Variants in UBR1 observed in about 807,000 individuals in gnomAD.
UBR1 encodes the protein E3 ubiquitin-protein ligase UBR1.
In UBR1, 102 loss-of-function variants were observed where a neutral mutation model predicts 242.1. The observed-to-expected ratio is 0.42, with a 90% confidence interval of 0.36 to 0.50. The LOEUF (loss-of-function observed/expected upper bound fraction) is 0.50. UBR1 is among the 20% of genes least tolerant of loss of function. The pLI is 0.01. For synonymous variants in UBR1, 675 were observed against 684.8 expected (o/e 0.99, Z 0.22); for missense variants, 1,772 against 2,101.8 (o/e 0.84, Z 3.07).
chr15:43,006,961 G>T, intron 30 of UBR1, 118 bp downstream of exon 30: 1 of 920,556 alleles, frequency 1.1e-6, no homozygotes, highest in Non-Finnish European at 1.7e-6. Flanking sequence ...TCTTAAATAT[G>T]ATAATGGTAT....
intron 1 of UBR1, among the ~76,000 whole-genome samples, chr15:43,096,268 G>A (rs1249954397): frequency 6.6e-6 from 1 of 151,934 alleles, no homozygotes; most frequent in Admixed American, 6.6e-5. Flanking sequence ...CCGCCTGCCG[G>A]ATTGAAGCAA....
intron 43 of UBR1, 86 bp downstream of exon 43, chr15:42,960,559 A>G: frequency 1.5e-6 from 2 of 1,339,284 alleles, no homozygotes; most frequent in Non-Finnish European, 2.1e-6. Context: ...TGAAGAAAGC[A>G]GACTAGAAAC....
intron 38 of UBR1, 35 bp downstream of exon 38, chr15:42,977,845 C>T (rs2141267742): frequency 6.6e-7 from 1 of 1,525,342 alleles, no homozygotes; most frequent in South Asian, 1.1e-5. Context: ...AAATTATCAA[C>T]ATGAGTGACT....
chr15:42,986,738 C>T (rs1251617274), intron 35 of UBR1, among the ~76,000 whole-genome samples: 1 of 152,188 alleles, frequency 6.6e-6, no homozygotes, highest in African/African-American at 2.4e-5. Flanking sequence ...GCACATCCAC[C>T]CACAGTGGCT....
chr15:43,002,628 G>C lies in UBR1; in HGVS notation c.3586C>G (p.Leu1196Val), dbSNP rs1346463706. ...DLFDLESGEYLCPLCKSLCNT... is the reference protein window; with the variant it reads ...DLFDLESGEYVCPLCKSLCNT... ...CACAGAGATTTGCAAAGAGGGCAAA[G>C]ATATTCTCCACTTTCCAAGTCAAAA... The change falls in exon 32 of 47, where the codon CTT becomes GTT. Residue 1196 changes from leucine (L) to valine (V), a missense_variant. Leu to Val is a conservative substitution (Grantham distance 32, BLOSUM62 1). This residue lies in a region of UBR1 where 965 missense variants were observed against 1,079.7 expected (regional missense o/e 0.89). Coordinates refer to ENST00000290650, the MANE Select transcript of UBR1 (RefSeq NM_174916.3). The C allele has an allele frequency of 4.3e-6, 7 of 1,614,060 alleles. No homozygotes were observed. The highest frequency in any genetic ancestry group is 4.0e-5 in the African/African-American group (3 of 74,920).
chr15:43,104,351 C>A (rs1375494513), intron 1 of UBR1, among the ~76,000 whole-genome samples: 1 of 152,184 alleles, frequency 6.6e-6, no homozygotes, highest in Non-Finnish European at 1.5e-5. Flanking sequence ...TATAACAATT[C>A]TTCTGACCAC....
chr15:43,022,545 G>A (rs2033123772), intron 26 of UBR1, among the ~76,000 whole-genome samples, 157 bp downstream of exon 26: 1 of 151,948 alleles, frequency 6.6e-6, no homozygotes, highest in African/African-American at 2.4e-5. Flanking sequence ...TACAAACTAA[G>A]AATGCTAGGA....
At chr15:43,002,837 C>A in intron 31 of UBR1, 133 bp from the exon 32 acceptor site, 1 of 1,039,470 alleles carries the variant, frequency 9.6e-7, no homozygotes, top group Non-Finnish European at 1.4e-6. Context: ...AACATACATG[C>A]AAAAACACAC....
At position 43,086,002 on chromosome 15, in the gene UBR1, T is replaced by G; in HGVS notation, c.320A>C (p.Glu107Ala). The change falls in exon 2 of 47, where the codon GAG (glutamate) becomes GCG (alanine). Residue 107 changes from glutamate (E) to alanine (A), a missense_variant. Coordinates refer to ENST00000290650, the MANE Select transcript of UBR1 (RefSeq NM_174916.3). ...TTCTTACCTGCAAGAATAGGTTGTC[T>G]CTCCACTTTTGAAAACCCTCCCACA... ...QLCGRVFKSG[E>A]TTYSCRDCAI... 1.9e-6 allele frequency: 3 copies of G among 1,613,930 alleles called. No homozygotes were observed. The highest frequency in any genetic ancestry group is 2.5e-6 in the Non-Finnish European group (3 of 1,179,974).
At chr15:42,984,450 G>A (rs1434054033) in intron 36 of UBR1, among the ~76,000 whole-genome samples, 1 of 152,170 alleles carries the variant, frequency 6.6e-6, no homozygotes, top group Non-Finnish European at 1.5e-5. Context: ...CCTGGGGCAG[G>A]AGTAGAGTCC....
chr15:43,068,772 C>T (rs1222352004), intron 5 of UBR1, among the ~76,000 whole-genome samples: 1 of 152,128 alleles, frequency 6.6e-6, no homozygotes, highest in Non-Finnish European at 1.5e-5. Context: ...AGGTGCCCAC[C>T]ACCACACTTG....
chr15:42,989,169 T>C (rs1440217573), intron 34 of UBR1, among the ~76,000 whole-genome samples: 1 of 152,220 alleles, frequency 6.6e-6, no homozygotes, highest in Non-Finnish European at 1.5e-5. Flanking sequence ...TTTCTAAAGG[T>C]AGAGAAACAG....
In UBR1 at chr15:42,959,436, T is replaced by A. The variant is rs147103076; in HGVS notation, c.4757+1209A>T. On this transcript the variant is annotated intron_variant, in intron 43 of 46. Coordinates refer to ENST00000290650, the MANE Select transcript of UBR1 (RefSeq NM_174916.3). ...TGCCTCATTAACAATCTTTTCCTCTTTAAATTTCTATAGCACTAATGGTAT... is the reference window on the plus strand; with the variant it reads ...TGCCTCATTAACAATCTTTTCCTCTATAAATTTCTATAGCACTAATGGTAT... Among the ~76,000 whole-genome samples the A allele has an allele frequency of 3.5e-3, 526 of 152,272 alleles. 2 individuals are homozygous for A. Among genetic ancestry groups the A allele is most frequent in the African/African-American group, 0.012 (501 of 41,560 alleles).
chr15:42,990,005 T>C, intron 34 of UBR1, 25 bp downstream of exon 34: 1 of 1,538,714 alleles, frequency 6.5e-7, no homozygotes, highest in Non-Finnish European at 9.0e-7. Flanking sequence ...ATTTACAAAG[T>C]TCTCTTAACT....
intron 12 of UBR1, among the ~76,000 whole-genome samples, 199 bp from the exon 13 acceptor site, chr15:43,048,690 G>A (rs1312961525): frequency 6.6e-6 from 1 of 152,170 alleles, no homozygotes; most frequent in Non-Finnish European, 1.5e-5. Flanking sequence ...TGCTCTAGAA[G>A]AGGCAGATAT....
chr15:43,077,160 G>C (rs957750519), intron 3 of UBR1, among the ~76,000 whole-genome samples: 1 of 148,734 alleles, frequency 6.7e-6, no homozygotes, highest in Non-Finnish European at 1.5e-5. Flanking sequence ...GTGCCCAGCG[G>C]CTCATTGGGG....
intron 15 of UBR1, among the ~76,000 whole-genome samples, chr15:43,042,029 A>T (rs2033426117): frequency 6.6e-6 from 1 of 152,152 alleles, no homozygotes; most frequent in Non-Finnish European, 1.5e-5. Context: ...AAAAAGGAGA[A>T]ATAGCAAGTG....
At chr15:42,959,160 C>T (rs1391932180) in intron 43 of UBR1, among the ~76,000 whole-genome samples, 1 of 152,146 alleles carries the variant, frequency 6.6e-6, no homozygotes, top group Non-Finnish European at 1.5e-5. Context: ...TAATTCTTTT[C>T]ATCTTCAATT....
At chr15:43,000,658 G>A (rs974406092) in intron 32 of UBR1, among the ~76,000 whole-genome samples, 1 of 152,090 alleles carries the variant, frequency 6.6e-6, no homozygotes, top group African/African-American at 2.4e-5. Flanking sequence ...CTACTTCAAT[G>A]GACTACTGTG....
Sources: allele counts gnomAD v4.1 joint callset (sites outside exome capture counted in the v4.1 genomes callset), GRCh38; gene constraint gnomAD v4.1.1; regional missense constraint gnomAD v4.1.1; transcripts MANE v1.5; gene names NCBI Gene and HGNC (gene_info 2026-07-23, HGNC 2026-07-21).